MYO3A: variants seen among roughly 807,000 people sequenced by gnomAD.
MYO3A encodes myosin-IIIa.
Under a neutral mutation model 192.7 loss-of-function variants are expected in MYO3A, and 180 were observed. The ratio of observed to expected loss-of-function variants is 0.93; its 90% CI spans 0.83 to 1.06. The LOEUF (loss-of-function observed/expected upper bound fraction) is 1.06, where lower values mean the gene tolerates loss of function less well. MYO3A is among the 50% of genes least tolerant of loss of function. MYO3A has a pLI of 0.00. For synonymous variants in MYO3A, 628 were observed against 645.3 expected (o/e 0.97, Z 0.41); for missense variants, 1,896 against 1,905.0 (o/e 1.00, Z 0.09).
At chr10:26,015,173 T>TA in intron 6 of MYO3A, among the ~76,000 whole-genome samples, 1 of 151,932 alleles carries the variant, frequency 6.6e-6, no homozygotes, top group African/African-American at 2.4e-5. Flanking sequence ...TTTAATAGAT[T>TA]ATTGCTCTTT....
chr10:25,978,932 CTAT>C (rs145555451), intron 4 of MYO3A, among the ~76,000 whole-genome samples: 9,730 of 152,134 alleles, frequency 0.064, 405 homozygotes, highest in Non-Finnish European at 0.094. Context: ...TATGTGCAGA[CTAT>C]TATTATTGCC....
At chr10:26,040,433 G>A (rs55839812) in intron 10 of MYO3A, among the ~76,000 whole-genome samples, 24,731 of 152,000 alleles carry the variant, frequency 0.16, 2,312 homozygotes, top group Non-Finnish European at 0.21. Flanking sequence ...TTGGAGGGAT[G>A]CTGTGTTTTC....
In MYO3A at chr10:26,145,427, G is replaced by A. The variant is rs1554833601; in HGVS notation, c.2417-19G>A. The A allele has an allele frequency of 1.3e-6, 2 of 1,492,864 alleles. No homozygotes were observed. Among genetic ancestry groups the A allele is most frequent in the East Asian group, 2.3e-5 (1 of 44,156 alleles). 92.5% of individuals were successfully genotyped at this position (1,492,864 alleles called of 1,614,324 possible). A position where few individuals can be genotyped will look rare whatever the true frequency, so the allele number is the denominator to read the frequency against. ...GATCTCATACATGCTTGATATTTGAGTTCAGTATTTTTCTACAGAAAAATT... is the reference window on the plus strand; with the variant it reads ...GATCTCATACATGCTTGATATTTGAATTCAGTATTTTTCTACAGAAAAATT... On this transcript the variant is annotated intron_variant, in intron 21 of 34. Transcript: ENST00000642920.
chr10:26,108,432 A>G (rs1837962248), intron 17 of MYO3A, among the ~76,000 whole-genome samples: 1 of 152,262 alleles, frequency 6.6e-6, no homozygotes. Context: ...TCTCAAAAAA[A>G]TTAGAAAATT....
intron 32 of MYO3A, chr10:26,200,779 AG>A (rs1843643496): frequency 6.6e-6 from 1 of 152,336 alleles, no homozygotes; most frequent in South Asian, 2.1e-4. Context: ...GGGCTCCTAT[AG>A]GTTTATGAAG....
chr10:26,000,531 A>G (rs551853358), intron 6 of MYO3A, among the ~76,000 whole-genome samples: 17 of 152,350 alleles, frequency 1.1e-4, no homozygotes, highest in African/African-American at 3.1e-4. Flanking sequence ...AGGAAAGCCT[A>G]TCTCCTGAGG....
intron 4 of MYO3A, among the ~76,000 whole-genome samples, chr10:25,968,843 T>A (rs1453684455): frequency 6.6e-6 from 1 of 152,252 alleles, no homozygotes; most frequent in East Asian, 1.9e-4. Flanking sequence ...AGCATATCTA[T>A]GTTGTATATG....
chr10:26,159,357 CTTTTTCT>C (rs1841356186), intron 26 of MYO3A, among the ~76,000 whole-genome samples: 1 of 135,926 alleles, frequency 7.4e-6, no homozygotes, highest in African/African-American at 2.7e-5. Flanking sequence ...TCTTTTTTTT[CTTTTTCT>C]TTTTTTTTTT....
At chr10:26,180,706 A>G (rs537136355) in intron 31 of MYO3A, among the ~76,000 whole-genome samples, 2 of 144,508 alleles carry the variant, frequency 1.4e-5, no homozygotes, top group African/African-American at 5.3e-5. Flanking sequence ...CCCATTGGAA[A>G]TAATAGCAAA....
At chr10:26,050,183 G>A (rs1008368209) in intron 10 of MYO3A, among the ~76,000 whole-genome samples, 4 of 151,798 alleles carry the variant, frequency 2.6e-5, no homozygotes, top group Non-Finnish European at 5.9e-5. Flanking sequence ...CTTTTGCCAA[G>A]GAAGAGGAAA....
intron 11 of MYO3A, 145 bp from the exon 12 acceptor site, chr10:26,068,623 G>A (rs1835001784): frequency 2.4e-5 from 13 of 541,368 alleles, no homozygotes; most frequent in South Asian, 2.4e-4. Context: ...CAGAGCTGAT[G>A]TTACATGTTT....
chr10:25,943,063 G>A (rs1271784439), intron 2 of MYO3A, among the ~76,000 whole-genome samples: 36 of 151,552 alleles, frequency 2.4e-4, no homozygotes, highest in Non-Finnish European at 2.9e-5. Flanking sequence ...TCTTCTAAGT[G>A]TTTTATTATT....
chr10:26,068,740 A>G (rs1323570431), intron 11 of MYO3A, 28 bp from the exon 12 acceptor site: 6 of 1,392,562 alleles, frequency 4.3e-6, no homozygotes, highest in East Asian at 2.3e-5. Flanking sequence ...AATTTTTAAG[A>G]AGGAGAAATT....
chr10:26,106,562 G>C (rs543940221), intron 17 of MYO3A, among the ~76,000 whole-genome samples: 2 of 152,028 alleles, frequency 1.3e-5, no homozygotes, highest in Non-Finnish European at 2.9e-5. Context: ...AATGATTATA[G>C]TTGGCCTCTG....
At chr10:26,022,817 A>G (rs572758659) in intron 8 of MYO3A, 1 of 152,336 alleles carries the variant, frequency 6.6e-6, no homozygotes, top group South Asian at 2.1e-4. Context: ...AGGAAGGATG[A>G]CACTGTTGAT....
At chr10:25,995,971 G>T (rs567763095) in intron 4 of MYO3A, among the ~76,000 whole-genome samples, 1 of 152,378 alleles carries the variant, frequency 6.6e-6, no homozygotes, top group African/African-American at 2.4e-5. Flanking sequence ...TGAGGAGGCA[G>T]TCTGTCCGTT....
At chr10:26,031,354 G>T (rs935298392) in intron 10 of MYO3A, among the ~76,000 whole-genome samples, 5 of 152,200 alleles carry the variant, frequency 3.3e-5, no homozygotes, top group Non-Finnish European at 7.3e-5. Context: ...AACATTGCCT[G>T]CAGTGACACT....
intron 9 of MYO3A, 34 bp from the exon 10 acceptor site, chr10:26,026,343 T>C (rs368713465): frequency 2.9e-5 from 46 of 1,611,600 alleles, no homozygotes; most frequent in Middle Eastern, 3.3e-4. Context: ...CTCTAACTTA[T>C]CTAATAATTG....
chr10:26,019,320 G>A (rs756696774), intron 7 of MYO3A, among the ~76,000 whole-genome samples: 4 of 151,680 alleles, frequency 2.6e-5, no homozygotes, highest in Non-Finnish European at 5.9e-5. Flanking sequence ...GTGCAGTGGC[G>A]CAATCTCGGC....
Sources: gnomAD v4.1 joint callset for allele counts (sites outside exome capture counted in the v4.1 genomes callset) on GRCh38, gnomAD v4.1.1 for gene constraint, MANE v1.5 for transcripts, NCBI Gene and HGNC (gene_info 2026-07-23, HGNC 2026-07-21) for gene names.